The following IGF2BP3 variants were observed in gnomAD, a reference collection of about 807,000 sequenced individuals.
The protein encoded by IGF2BP3 is insulin-like growth factor 2 mRNA-binding protein 3.
In IGF2BP3, 9 loss-of-function variants were observed where a neutral mutation model predicts 73.8. That is an observed-to-expected ratio of 0.12 (90% CI 0.07 to 0.21). IGF2BP3 has a LOEUF of 0.21. Among genes scored for constraint, IGF2BP3 ranks in the 10% least tolerant of loss-of-function variants. The pLI, the probability that IGF2BP3 is intolerant of heterozygous loss-of-function variation, is 1.00. For synonymous variants in IGF2BP3, 258 were observed against 256.7 expected (o/e 1.01, Z -0.05); for missense variants, 542 against 714.0 (o/e 0.76, Z 2.75).
intron 3 of IGF2BP3, among the ~76,000 whole-genome samples, chr7:23,405,810 C>T (rs1786810915): frequency 6.6e-6 from 1 of 152,188 alleles, no homozygotes; most frequent in Non-Finnish European, 1.5e-5. Context: ...CTGAACTCTT[C>T]AACCAGGGCT....
intron 5 of IGF2BP3, among the ~76,000 whole-genome samples, chr7:23,358,450 A>AGCAG (rs1437496895): frequency 1.3e-5 from 2 of 152,214 alleles, no homozygotes; most frequent in Non-Finnish European, 2.9e-5. Context: ...GAACCCATGG[A>AGCAG]GCAGGCCTAT....
intron 10 of IGF2BP3, among the ~76,000 whole-genome samples, chr7:23,334,939 A>T (rs1177817823): frequency 6.6e-6 from 1 of 152,052 alleles, no homozygotes; most frequent in African/African-American, 2.4e-5. Flanking sequence ...GAAGGATGCC[A>T]CGGTTTCCCT....
At chr7:23,352,069 A>T (rs1234964829) in intron 5 of IGF2BP3, among the ~76,000 whole-genome samples, 2 of 152,140 alleles carry the variant, frequency 1.3e-5, no homozygotes, top group Non-Finnish European at 2.9e-5. Context: ...CCATTTTAAG[A>T]ACCAGTGGAC....
chr7:23,452,798 C>A (rs1788231974), intron 2 of IGF2BP3, among the ~76,000 whole-genome samples: 1 of 113,466 alleles, frequency 8.8e-6, no homozygotes, highest in South Asian at 2.9e-4. Context: ...CGAGACTCAT[C>A]TCAAAAAAAA....
chr7:23,318,975 T>C (rs1784064481), intron 11 of IGF2BP3, among the ~76,000 whole-genome samples, 163 bp downstream of exon 11: 1 of 152,238 alleles, frequency 6.6e-6, no homozygotes, highest in African/African-American at 2.4e-5. Context: ...ACAGAGAAGT[T>C]AGCCTCCTTG....
chr7:23,433,435 AATTT>A (rs1319640033), intron 2 of IGF2BP3, among the ~76,000 whole-genome samples: 1 of 152,048 alleles, frequency 6.6e-6, no homozygotes, highest in Non-Finnish European at 1.5e-5. Flanking sequence ...ATTTCTCAAC[AATTT>A]ATTATACTGT....
chr7:23,361,752 G>T lies in IGF2BP3; in HGVS notation c.286-11C>A. Reference sequence around the variant, plus strand: ...TAAACTATCCAGCACCTATCAGGAGGGGGAGAGAAAATTATAAATTTTGAG... The same window carrying T: ...TAAACTATCCAGCACCTATCAGGAGTGGGAGAGAAAATTATAAATTTTGAG... On this transcript the variant is annotated splice_polypyrimidine_tract_variant and intron_variant, in intron 3 of 14. Coordinates refer to ENST00000258729, the MANE Select transcript of IGF2BP3 (RefSeq NM_006547.3). 6.3e-7 allele frequency: 1 copy of T among 1,597,142 alleles called. No homozygotes were observed. Among genetic ancestry groups the T allele is most frequent in the East Asian group, 2.2e-5 (1 of 44,694 alleles).
chr7:23,338,047 ACC>A (rs1784616623), intron 10 of IGF2BP3, among the ~76,000 whole-genome samples: 1 of 152,156 alleles, frequency 6.6e-6, no homozygotes, highest in African/African-American at 2.4e-5. Flanking sequence ...AACAATACAT[ACC>A]CAAACCTAAT....
chr7:23,426,065 G>T (rs567650832), intron 2 of IGF2BP3, among the ~76,000 whole-genome samples: 1 of 152,058 alleles, frequency 6.6e-6, no homozygotes, highest in Non-Finnish European at 1.5e-5. Context: ...AGTGGCTCGC[G>T]CCTGTAATCC....
chr7:23,340,346 A>G (rs887058948), intron 10 of IGF2BP3, among the ~76,000 whole-genome samples: 1 of 152,184 alleles, frequency 6.6e-6, no homozygotes. Flanking sequence ...AAAGGCAGAA[A>G]CACACACGGC....
rs188535009 is a variant in IGF2BP3, at chr7:23,445,045, G to A, written c.236+23437C>T. On this transcript the variant is annotated intron_variant, in intron 2 of 14. Coordinates refer to ENST00000258729, the MANE Select transcript of IGF2BP3 (RefSeq NM_006547.3). ...TGCATTCCAGCCTGGGCGGCAGAGTGAGACCCTGTCTCTAAAAAACAACAA... is the reference window on the plus strand; with the variant it reads ...TGCATTCCAGCCTGGGCGGCAGAGTAAGACCCTGTCTCTAAAAAACAACAA... Among the ~76,000 whole-genome samples, 16 of 152,310 alleles carry A rather than the reference G, an allele frequency of 1.1e-4. No individual in the cohort carries two copies. In the East Asian group the frequency reaches 2.9e-3, roughly 28 times the overall value.
intron 3 of IGF2BP3, chr7:23,415,080 C>T (rs1787144689): frequency 9.6e-6 from 2 of 208,920 alleles, no homozygotes; most frequent in South Asian, 1.1e-4. Flanking sequence ...ATCTGTCAGT[C>T]GGCTTTACCA....
At position 23,343,618 on chromosome 7, in the gene IGF2BP3, C is replaced by T. The variant is rs1257574570; in HGVS notation, c.1077+100G>A. 3.4e-6 allele frequency: 4 copies of T among 1,163,200 alleles called. No homozygotes were observed. In the East Asian group the frequency reaches 9.4e-5, roughly 27 times the overall value. The allele number at this position is 1,163,200 out of a possible 1,614,324, so 72.1% of individuals were successfully genotyped here. On this transcript the variant is annotated intron_variant, in intron 9 of 14. Transcript: ENST00000258729. Reference sequence around the variant, plus strand: ...TGCTAAAAATCAACTAGAACTACTTCTAGTGATAATGCCACAAAAGAATTC... The same window carrying T: ...TGCTAAAAATCAACTAGAACTACTTTTAGTGATAATGCCACAAAAGAATTC...
At chr7:23,352,980 G>T (rs1785005530) in intron 5 of IGF2BP3, among the ~76,000 whole-genome samples, 1 of 151,932 alleles carries the variant, frequency 6.6e-6, no homozygotes, top group South Asian at 2.1e-4. Flanking sequence ...GTTTTCAGAA[G>T]GGAAAATAAT....
intron 3 of IGF2BP3, among the ~76,000 whole-genome samples, chr7:23,395,573 G>A (rs1786426035): frequency 6.6e-6 from 1 of 151,756 alleles, no homozygotes; most frequent in African/African-American, 2.4e-5. Flanking sequence ...ACCAGCCTGG[G>A]CAATATGGCG....
chr7:23,423,346 T>C (rs1209185813), intron 2 of IGF2BP3, among the ~76,000 whole-genome samples: 1 of 152,252 alleles, frequency 6.6e-6, no homozygotes, highest in Non-Finnish European at 1.5e-5. Context: ...TCTTTGGTCA[T>C]GTTCCATCTG....
Position 23,319,165 on chromosome 7 carries a change from A to C in IGF2BP3, c.1293T>G (p.Leu431=), listed in dbSNP as rs977680680. The C allele has an allele frequency of 5.0e-6, 8 of 1,613,598 alleles. No individual in the cohort carries two copies. The highest frequency in any genetic ancestry group is 6.8e-6 in the Non-Finnish European group (8 of 1,179,698). Residue 431 remains leucine, a synonymous_variant, in exon 11 of 15, where the codon CTT becomes CTG. Coordinates refer to ENST00000258729, the MANE Select transcript of IGF2BP3 (RefSeq NM_006547.3). ...TAATTGAAGCTCCAGCAAAGCGAGAAAGCTGCTTGATGTGCTGGCCCTGCT... is the reference window on the plus strand; with the variant it reads ...TAATTGAAGCTCCAGCAAAGCGAGACAGCTGCTTGATGTGCTGGCCCTGCT... The part of the protein sequence containing the change: ...IGKQGQHIKQ[L]SRFAGASIKI...
At chr7:23,446,933 T>C (rs534951891) in intron 2 of IGF2BP3, among the ~76,000 whole-genome samples, 1 of 152,144 alleles carries the variant, frequency 6.6e-6, no homozygotes, top group Non-Finnish European at 1.5e-5. Flanking sequence ...CCAGGCACGG[T>C]GGCTCATGCC....
chr7:23,378,400 G>T (rs1785794870), intron 3 of IGF2BP3, among the ~76,000 whole-genome samples: 2 of 107,632 alleles, frequency 1.9e-5, no homozygotes, highest in African/African-American at 1.4e-4. Context: ...TTCTCTTCTT[G>T]GTTTTTTTTT....
Sources: allele counts gnomAD v4.1 joint callset (sites outside exome capture counted in the v4.1 genomes callset), GRCh38; gene constraint gnomAD v4.1.1; transcripts MANE v1.5; gene names NCBI Gene and HGNC (gene_info 2026-07-23, HGNC 2026-07-21).